Variants in SGMS1 observed in about 807,000 individuals in gnomAD.
The protein encoded by SGMS1 is phosphatidylcholine:ceramide cholinephosphotransferase 1.
A neutral mutation model predicts 46.2 loss-of-function variants in SGMS1; 13 were observed. The observed-to-expected ratio is 0.28, with a 90% CI of 0.18 to 0.45. The LOEUF (loss-of-function observed/expected upper bound fraction) is 0.45. Among genes scored for constraint, SGMS1 ranks in the 20% least tolerant of loss-of-function variants. The pLI is 1.00. For synonymous variants in SGMS1, 203 were observed against 187.8 expected, an observed-to-expected ratio of 1.08 and a Z score of -0.66; for missense variants, 324 against 519.9, an observed-to-expected ratio of 0.62 and a Z score of 3.66.
chr10:50,565,795 G>T (rs1313336225), intron 2 of SGMS1, among the ~76,000 whole-genome samples: 2 of 152,190 alleles, frequency 1.3e-5, no homozygotes, highest in Non-Finnish European at 2.9e-5. Flanking sequence ...CATCAGGGAT[G>T]CTGAGAAGGC....
chr10:50,574,963 G>GTATGTATATATATATATATATA (rs1554793450), intron 2 of SGMS1, among the ~76,000 whole-genome samples: 7 of 99,876 alleles, frequency 7.0e-5, no homozygotes, highest in African/African-American at 2.1e-4. Flanking sequence ...AAAATGTGGT[G>GTATGTATATATATATATATATA]TATATATATA....
At chr10:50,601,018 G>C (rs1264151273) in intron 1 of SGMS1, among the ~76,000 whole-genome samples, 1 of 152,132 alleles carries the variant, frequency 6.6e-6, no homozygotes, top group Non-Finnish European at 1.5e-5. Flanking sequence ...AGGAACCACA[G>C]ACACATTTTT....
rs1429141284 is a variant in SGMS1, at chr10:50,355,627, C to T, written c.-231-11282G>A. On this transcript the variant is annotated intron_variant, in intron 6 of 10. Transcript: ENST00000361781. ...TGGCGTGATCTCGGCTCGCTACAAC[C>T]TCCACCTCCCAGCCGCCTGCCTTGG... Among the ~76,000 whole-genome samples the T allele has an allele frequency of 6.6e-5, 10 of 152,284 alleles. No individual in the cohort carries two copies. The South Asian group carries it at 1.7e-3, about 25-fold the overall frequency.
chr10:50,559,027 T>C (rs929399446), intron 2 of SGMS1, among the ~76,000 whole-genome samples: 2 of 152,118 alleles, frequency 1.3e-5, no homozygotes, highest in Non-Finnish European at 2.9e-5. Context: ...TGTTCAACTT[T>C]ATATAAGTCT....
At chr10:50,400,897 G>C (rs771201697) in intron 6 of SGMS1, among the ~76,000 whole-genome samples, 4 of 152,114 alleles carry the variant, frequency 2.6e-5, no homozygotes, top group South Asian at 2.1e-4. Flanking sequence ...AAGGCCGGAG[G>C]GTTCCTGGGC....
intron 2 of SGMS1, among the ~76,000 whole-genome samples, chr10:50,531,135 G>A (rs1182840957): frequency 6.6e-5 from 10 of 152,152 alleles, no homozygotes; most frequent in Admixed American, 2.0e-4. Flanking sequence ...TCAGAAAGTC[G>A]TCACCTCACT....
chr10:50,398,074 T>G (rs1848872485), intron 6 of SGMS1, among the ~76,000 whole-genome samples: 1 of 152,204 alleles, frequency 6.6e-6, no homozygotes, highest in Admixed American at 6.5e-5. Flanking sequence ...TAGTATATAG[T>G]TAATATCATT....
At chr10:50,577,090 TG>T (rs1399970098) in intron 2 of SGMS1, among the ~76,000 whole-genome samples, 1 of 152,232 alleles carries the variant, frequency 6.6e-6, no homozygotes, top group Non-Finnish European at 1.5e-5. Flanking sequence ...TTTCTTTGGC[TG>T]GCCCTCAGAA....
chr10:50,527,829 G>C (rs1837917541), intron 2 of SGMS1, among the ~76,000 whole-genome samples: 1 of 152,206 alleles, frequency 6.6e-6, no homozygotes, highest in African/African-American at 2.4e-5. Context: ...TGCAGGGAAA[G>C]AAGAGGGCTA....
chr10:50,540,071 A>G (rs1253617318), intron 2 of SGMS1, among the ~76,000 whole-genome samples: 1 of 152,222 alleles, frequency 6.6e-6, no homozygotes, highest in Non-Finnish European at 1.5e-5. Context: ...TCTTCATGAA[A>G]GAATTATCTT....
intron 1 of SGMS1, among the ~76,000 whole-genome samples, chr10:50,623,213 A>G (rs1838872792): frequency 6.6e-6 from 1 of 151,988 alleles, no homozygotes; most frequent in African/African-American, 2.4e-5. Context: ...GCCGGCTGCG[A>G]TCTGGACCGA....
At chr10:50,350,986 C>T (rs1027428837) in intron 6 of SGMS1, among the ~76,000 whole-genome samples, 11 of 152,050 alleles carry the variant, frequency 7.2e-5, no homozygotes, top group African/African-American at 1.9e-4. Context: ...GTGCACCATG[C>T]ACCTGGAAAA....
intron 6 of SGMS1, among the ~76,000 whole-genome samples, chr10:50,360,146 T>C (rs1045027751): frequency 5.3e-5 from 8 of 152,192 alleles, no homozygotes; most frequent in Non-Finnish European, 1.2e-4. Context: ...CTCTAAATAA[T>C]AGGAATCTTG....
At chr10:50,311,869 G>A (rs1242767769) in intron 8 of SGMS1, among the ~76,000 whole-genome samples, 2 of 152,206 alleles carry the variant, frequency 1.3e-5, no homozygotes, top group African/African-American at 4.8e-5. Flanking sequence ...GCAGCTGAAG[G>A]TTTGGGTAGT....
chr10:50,383,390 T>C (rs1021415267), intron 6 of SGMS1, among the ~76,000 whole-genome samples: 5 of 152,160 alleles, frequency 3.3e-5, no homozygotes, highest in African/African-American at 7.2e-5. Flanking sequence ...TTCTTTTGGG[T>C]TTAAAGTCTG....
At chr10:50,506,250 T>G (rs372871508) in intron 3 of SGMS1, among the ~76,000 whole-genome samples, 1 of 152,188 alleles carries the variant, frequency 6.6e-6, no homozygotes, top group Non-Finnish European at 1.5e-5. Flanking sequence ...TTCTGTAATT[T>G]AATGTCTGCT....
chr10:50,328,911 A>G (rs1392255156), intron 7 of SGMS1, among the ~76,000 whole-genome samples: 1 of 152,242 alleles, frequency 6.6e-6, no homozygotes, highest in Non-Finnish European at 1.5e-5. Context: ...AGTAAATTCT[A>G]CATTGTAAGA....
At chr10:50,615,289 C>T (rs909564646) in intron 1 of SGMS1, among the ~76,000 whole-genome samples, 1 of 152,212 alleles carries the variant, frequency 6.6e-6, no homozygotes, top group Non-Finnish European at 1.5e-5. Flanking sequence ...CATAAAGCCT[C>T]ACACACCTCA....
chr10:50,500,697 C>A (rs1206658157), intron 3 of SGMS1, among the ~76,000 whole-genome samples: 1 of 152,144 alleles, frequency 6.6e-6, no homozygotes, highest in East Asian at 1.9e-4. Flanking sequence ...TGAAATAGCA[C>A]TCCAAAACCT....
Sources: allele counts gnomAD v4.1 joint callset (sites outside exome capture counted in the v4.1 genomes callset), GRCh38; gene constraint gnomAD v4.1.1; transcripts MANE v1.5; gene names NCBI Gene and HGNC (gene_info 2026-07-23, HGNC 2026-07-21).